Variants in ITPRID2 observed in about 807,000 individuals in gnomAD.
ITPRID2 encodes ITPR interacting domain containing 2.
In ITPRID2, 60 loss-of-function variants were observed where a neutral mutation model predicts 124.3. That is an observed-to-expected ratio of 0.48 (90% CI 0.39 to 0.60). ITPRID2 has a LOEUF of 0.60. Ranked by LOEUF, ITPRID2 falls within the 20% of genes least tolerant of loss-of-function variation. The probability of loss-of-function intolerance (pLI) is 0.00; values close to 1 mark genes in which losing one functional copy is unlikely to be tolerated. For missense variants in ITPRID2, 1,553 were observed against 1,512.2 expected (o/e 1.03, Z -0.45); for synonymous variants, 521 against 542.9 (o/e 0.96, Z 0.56).
intron 7 of ITPRID2, 53 bp from the exon 8 acceptor site, chr2:181,901,713 T>C: frequency 1.7e-6 from 2 of 1,210,584 alleles, no homozygotes; most frequent in Non-Finnish European, 2.2e-6. Context: ...TTAATATATG[T>C]GTATGTATAT....
At position 181,907,760 on chromosome 2, in the gene ITPRID2, A is replaced by G. The variant is rs1395684015; in HGVS notation, c.1414-2139A>G. Among the ~76,000 whole-genome samples, 1 of 152,188 alleles carries G rather than the reference A, an allele frequency of 6.6e-6. No individual in the cohort carries two copies. On this transcript the variant is annotated intron_variant, in intron 8 of 17. Transcript: ENST00000431877. This position sits in a 1 kb window ranked among gnomAD's most constrained non-coding sequence, Gnocchi z 5.1. Reference sequence around the variant, plus strand: ...CTTTTGCACAATTGTGACCAATAATAAAATAAGAAATTCACCCATTATCAC... The same window carrying G: ...CTTTTGCACAATTGTGACCAATAATGAAATAAGAAATTCACCCATTATCAC...
rs1388356986 is a variant in ITPRID2, at chr2:181,902,351, G to A, written c.1298G>A (p.Ser433Asn). The change falls in exon 8 of 18, where the codon AGT becomes AAT. Residue 433 changes from serine (S) to asparagine (N), a missense_variant. By Grantham distance (46) the Ser-to-Asn change is conservative. Transcript: ENST00000431877. This position sits in a 1 kb window ranked among gnomAD's most constrained non-coding sequence, Gnocchi z 4.4. ...ISSHSELENS[S>N]ELKSVHISTP... ...AGCCACAGTGAGCTGGAAAATAGCA[G>A]TGAGCTGAAAAGTGTCCATATATCC... 10 of 1,613,852 alleles carry A rather than the reference G, an allele frequency of 6.2e-6. No individual in the cohort carries two copies. In the East Asian group the frequency reaches 8.9e-5, roughly 14 times the overall value.
Position 181,900,816 on chromosome 2 carries a change from A to G in ITPRID2, c.624A>G (p.Ser208=), listed in dbSNP as rs1362571206. The change falls in exon 7 of 18, where the codon TCA becomes TCG. Residue 208 remains serine (S), a synonymous_variant. Transcript: ENST00000431877. Reference sequence around the variant, plus strand: ...TTCCTTCCAGATTTTTTAATTCATCATCCTTTGCCAAAGGGATAGATATTA... The same window carrying G: ...TTCCTTCCAGATTTTTTAATTCATCGTCCTTTGCCAAAGGGATAGATATTA... ...SKIPSRFFNS[S]SFAKGIDIKV... is the part of the protein sequence containing the mutation. 4.3e-6 allele frequency: 7 copies of G among 1,613,222 alleles called. No homozygotes were observed. Among genetic ancestry groups the G allele is most frequent in the South Asian group, 1.1e-5 (1 of 90,988 alleles).
intron 16 of ITPRID2, among the ~76,000 whole-genome samples, chr2:181,927,461 A>C (rs1423557697): frequency 6.6e-6 from 1 of 152,220 alleles, no homozygotes; most frequent in Non-Finnish European, 1.5e-5. Context: ...TCATTTCCTC[A>C]GGTCTGTTTG....
Position 181,922,006 on chromosome 2 carries a change from G to A in ITPRID2, c.3269G>A (p.Gly1090Glu). 3 of 1,614,222 alleles carry A rather than the reference G, an allele frequency of 1.9e-6. No homozygotes were observed. Among genetic ancestry groups the A allele is most frequent in the Non-Finnish European group, 2.5e-6 (3 of 1,180,032 alleles). ...AAGTCTGAATTGGGCCTGGGACTTG[G>A]AGAAATGGGATTTGAAATTCCTCCT... ...YLKSELGLGL[G>E]EMGFEIPPGE... The change falls in exon 16 of 18, where the codon GGA becomes GAA. Residue 1090 changes from glycine to glutamate, a missense_variant. Physicochemically the swap from Gly to Glu is moderately conservative, Grantham distance 98 (BLOSUM62 -2). Coordinates refer to ENST00000431877, the MANE Select transcript of ITPRID2 (RefSeq NM_001130445.3).
At chr2:181,915,186 T>G in intron 10 of ITPRID2, 30 bp from the exon 11 acceptor site, 4 of 1,593,814 alleles carry the variant, frequency 2.5e-6, no homozygotes, top group Non-Finnish European at 3.4e-6. Context: ...ACATATATTC[T>G]TCATCTTTCC....
chr2:181,902,403 A>G lies in ITPRID2; in HGVS notation c.1350A>G (p.Pro450=). 1 of 1,611,388 alleles carries G rather than the reference A, an allele frequency of 6.2e-7. No homozygotes were observed. The highest frequency in any genetic ancestry group is 8.5e-7 in the Non-Finnish European group (1 of 1,179,336). ...ISTPEKEPCA[P]LTIPSIRNIM... The stretch of plus-strand genomic sequence containing the variant: ...CACCTGAAAAAGAGCCTTGTGCACC[A>G]CTGACAATACCATCCATAAGAAATA... Residue 450 remains proline (P), a synonymous_variant, in exon 8 of 18, where the codon CCA becomes CCG. Coordinates refer to ENST00000431877, the MANE Select transcript of ITPRID2 (RefSeq NM_001130445.3). This position sits in a 1 kb window ranked among gnomAD's most constrained non-coding sequence, Gnocchi z 4.4.
intron 6 of ITPRID2, among the ~76,000 whole-genome samples, chr2:181,900,350 C>T (rs1692558825): frequency 1.3e-5 from 2 of 152,148 alleles, no homozygotes; most frequent in Non-Finnish European, 1.5e-5. Flanking sequence ...ATTCCTTATT[C>T]TTCATCATCT....
chr2:181,900,682 C>G lies in ITPRID2; in HGVS notation c.504-14C>G. 4.5e-6 allele frequency: 7 copies of G among 1,571,456 alleles called. No individual in the cohort carries two copies. The highest frequency in any genetic ancestry group is 6.1e-6 in the Non-Finnish European group (7 of 1,156,582). ...ATATTTTCATGTTTCCTTTTTTGCC[C>G]CCTTTTTTTGTAGTGTTTCAGAATT... On this transcript the variant is annotated splice_polypyrimidine_tract_variant and intron_variant, in intron 6 of 17. Coordinates refer to ENST00000431877, the MANE Select transcript of ITPRID2 (RefSeq NM_001130445.3).
intron 6 of ITPRID2, 144 bp downstream of exon 6, chr2:181,899,256 A>G (rs1320454124): frequency 3.2e-6 from 2 of 618,172 alleles, no homozygotes; most frequent in Admixed American, 3.5e-5. Flanking sequence ...CACAACTGAT[A>G]GGAGCTTTTT....
In ITPRID2 at chr2:181,896,353, A is replaced by C. The variant is rs570245513; in HGVS notation, c.307+274A>C. 9.2e-5 allele frequency among the ~76,000 whole-genome samples: 14 copies of C among 152,120 alleles called. No individual in the cohort carries two copies. Among genetic ancestry groups the C allele is most frequent in the African/African-American group, 3.4e-4 (14 of 41,570 alleles). On this transcript the variant is annotated intron_variant, in intron 3 of 17. Transcript: ENST00000431877. This position sits in a 1 kb window ranked among gnomAD's most constrained non-coding sequence, Gnocchi z 4.3. ...AATTAAATATGAATATATAATATGC[A>C]AATATAAGGAAAATACTTATTGAGT...
intron 11 of ITPRID2, chr2:181,916,925 C>T (rs1469323048): frequency 4.0e-6 from 4 of 993,584 alleles, no homozygotes; most frequent in Non-Finnish European, 4.8e-6. Context: ...CCTACTGACC[C>T]TCGATGCTGT....
chr2:181,926,321 A>G (rs1311803770), intron 16 of ITPRID2, among the ~76,000 whole-genome samples: 1 of 152,180 alleles, frequency 6.6e-6, no homozygotes, highest in Non-Finnish European at 1.5e-5. Flanking sequence ...GTGTCCATTG[A>G]GATTATATCA....
At chr2:181,913,809 C>T (rs1693817359) in intron 9 of ITPRID2, 36 bp from the exon 10 acceptor site, 1 of 1,477,882 alleles carries the variant, frequency 6.8e-7, no homozygotes, top group African/African-American at 1.4e-5. Context: ...ATTTATAGAT[C>T]ATCTGTTTCT....
At chr2:181,920,540 G>A in intron 14 of ITPRID2, 57 bp from the exon 15 acceptor site, 1 of 1,148,582 alleles carries the variant, frequency 8.7e-7, no homozygotes, top group Non-Finnish European at 1.3e-6. Flanking sequence ...AATTATATAT[G>A]CATGTATGTA....
chr2:181,903,617 TA>T (rs975265280), intron 8 of ITPRID2, among the ~76,000 whole-genome samples: 2 of 152,198 alleles, frequency 1.3e-5, no homozygotes, highest in African/African-American at 4.8e-5. Context: ...ATACTTTAAT[TA>T]CAACTGAATA....
In ITPRID2 at chr2:181,911,960, A is replaced by G. The variant is rs148960331; in HGVS notation, c.1487-1885A>G. 1.1e-3 allele frequency among the ~76,000 whole-genome samples: 175 copies of G among 152,292 alleles called. 1 individual carries two copies. Among genetic ancestry groups the G allele is most frequent in the Non-Finnish European group, 1.9e-3 (130 of 68,006 alleles). On this transcript the variant is annotated intron_variant, in intron 9 of 17. Transcript: ENST00000431877. The stretch of plus-strand genomic sequence containing the variant: ...ACCTGCATTATGACCCAAACTGTGT[A>G]CTTAGACAGGGCTTAGCAACTGTGA...
rs1039632008 is a variant in ITPRID2 at position 181,915,657 on chromosome 2, T to C, written c.2017T>C (p.Cys673Arg). ...ATCATTGGCTTCTATTGAAGCTAAA[T>C]GCAGTGATATGAGCTCTGAAAATAC... ...LKSLASIEAK[C>R]SDMSSENTTG... Residue 673 changes from cysteine to arginine, a missense_variant, in exon 11 of 18, where the codon TGC becomes CGC. By Grantham distance (180) the Cys-to-Arg change is radical (BLOSUM62 -3). Coordinates refer to ENST00000431877, the MANE Select transcript of ITPRID2 (RefSeq NM_001130445.3). 6.2e-6 allele frequency: 10 copies of C among 1,614,118 alleles called. No homozygotes were observed. In the African/African-American group the frequency reaches 1.2e-4, roughly 19 times the overall value.
At position 181,911,170 on chromosome 2, in the gene ITPRID2, G is replaced by A. The variant is rs562335393; in HGVS notation, c.1486+1199G>A. On this transcript the variant is annotated intron_variant, in intron 9 of 17. Coordinates refer to ENST00000431877, the MANE Select transcript of ITPRID2 (RefSeq NM_001130445.3). ...CAGTAAAATGGTTCTGTGTGTCTGT[G>A]TGCATGAGAGAGAAGAGAGAACAAC... Among the ~76,000 whole-genome samples the A allele has an allele frequency of 2.0e-5, 3 of 152,264 alleles. No individual in the cohort carries two copies. In the South Asian group the frequency reaches 6.2e-4, roughly 32 times the overall value.
Sources: allele counts gnomAD v4.1 joint callset (sites outside exome capture counted in the v4.1 genomes callset), GRCh38; gene constraint gnomAD v4.1.1; non-coding constraint Gnocchi (gnomAD v3.1); transcripts MANE v1.5; gene names NCBI Gene and HGNC (gene_info 2026-07-23, HGNC 2026-07-21).